Variants in THSD7B observed in about 807,000 individuals in gnomAD.
THSD7B encodes the protein thrombospondin type-1 domain-containing protein 7B.
Under a neutral mutation model 213.6 loss-of-function variants are expected in THSD7B, and 138 were observed. The observed-to-expected ratio is 0.65, with a 90% confidence interval of 0.56 to 0.74. The LOEUF is 0.74. THSD7B is among the 30% of genes least tolerant of loss of function. The pLI is 0.00. For missense variants in THSD7B, 1,931 were observed against 1,991.5 expected, an observed-to-expected ratio of 0.97 and a Z score of 0.58; for synonymous variants, 742 against 687.0, an observed-to-expected ratio of 1.08 and a Z score of -1.25.
At chr2:136,826,723 C>T (rs541284421) in intron 1 of THSD7B, among the ~76,000 whole-genome samples, 5 of 152,262 alleles carry the variant, frequency 3.3e-5, no homozygotes, top group African/African-American at 7.2e-5. Flanking sequence ...GAATTTCAGA[C>T]GCAGTAAGAA....
intron 2 of THSD7B, among the ~76,000 whole-genome samples, chr2:136,911,285 G>A (rs1470440243): frequency 6.6e-6 from 1 of 152,090 alleles, no homozygotes; most frequent in East Asian, 1.9e-4. Flanking sequence ...CCATATTAAT[G>A]TTGAAATTGC....
chr2:137,263,223 G>T (rs1426100289), intron 10 of THSD7B, among the ~76,000 whole-genome samples: 2 of 151,644 alleles, frequency 1.3e-5, no homozygotes, highest in Non-Finnish European at 2.9e-5. Context: ...TCTATACAAA[G>T]GGCTTTCATA....
chr2:137,064,187 A>C (rs566736317), intron 3 of THSD7B, among the ~76,000 whole-genome samples: 3 of 152,004 alleles, frequency 2.0e-5, no homozygotes, highest in Non-Finnish European at 4.4e-5. Flanking sequence ...TGTCATTTGT[A>C]TAAAACTCAT....
At chr2:137,210,543 C>T (rs1255628713) in intron 7 of THSD7B, among the ~76,000 whole-genome samples, 1 of 151,998 alleles carries the variant, frequency 6.6e-6, no homozygotes, top group African/African-American at 2.4e-5. Context: ...ACATTCAAAA[C>T]ATTCAAGGAC....
chr2:136,988,885 A>G (rs944969523), intron 2 of THSD7B, among the ~76,000 whole-genome samples: 2 of 152,254 alleles, frequency 1.3e-5, no homozygotes, highest in African/African-American at 4.8e-5. Flanking sequence ...GGATGCAGGA[A>G]TGAATCAGAA....
chr2:136,894,519 T>C (rs531334), intron 2 of THSD7B, among the ~76,000 whole-genome samples: 145,700 of 152,224 alleles, frequency 0.96, 69,815 homozygotes, highest in Admixed American at 0.98. Context: ...ATGAGAAGCA[T>C]GATATAAAAC....
chr2:137,606,951 G>T (rs1354668322), intron 17 of THSD7B, among the ~76,000 whole-genome samples: 1 of 152,106 alleles, frequency 6.6e-6, no homozygotes, highest in Non-Finnish European at 1.5e-5. Context: ...AATAAGGCTT[G>T]CTGCCTGCCT....
intron 12 of THSD7B, among the ~76,000 whole-genome samples, chr2:137,302,145 A>G (rs978646479): frequency 5.9e-5 from 9 of 152,084 alleles, no homozygotes; most frequent in Non-Finnish European, 1.2e-4. Flanking sequence ...TGGTACGATG[A>G]GAGATATAAT....
At chr2:137,605,594 T>G (rs539147392) in intron 17 of THSD7B, among the ~76,000 whole-genome samples, 4 of 149,048 alleles carry the variant, frequency 2.7e-5, no homozygotes, top group Non-Finnish European at 5.9e-5. Flanking sequence ...AGAGCCATAG[T>G]GTTAAAAGTA....
intron 12 of THSD7B, among the ~76,000 whole-genome samples, chr2:137,353,921 A>G (rs562517278): frequency 6.6e-6 from 1 of 152,204 alleles, no homozygotes; most frequent in African/African-American, 2.4e-5. Context: ...ATTTAAGTCA[A>G]TCTTTGTGCC....
intron 12 of THSD7B, among the ~76,000 whole-genome samples, chr2:137,356,492 T>C (rs1685131329): frequency 6.6e-6 from 1 of 152,216 alleles, no homozygotes; most frequent in Non-Finnish European, 1.5e-5. Context: ...TAATAGGTCC[T>C]AATGAGTCTC....
intron 2 of THSD7B, among the ~76,000 whole-genome samples, chr2:137,051,155 A>G (rs1687064820): frequency 6.6e-6 from 1 of 152,220 alleles, no homozygotes; most frequent in Admixed American, 6.5e-5. Flanking sequence ...AATACTGTGT[A>G]TAAAGTAAGT....
intron 14 of THSD7B, among the ~76,000 whole-genome samples, chr2:137,449,281 T>C (rs1687602526): frequency 6.6e-6 from 1 of 152,218 alleles, no homozygotes; most frequent in South Asian, 2.1e-4. Flanking sequence ...TTGTGACACA[T>C]TTTAATGTTT....
intron 10 of THSD7B, among the ~76,000 whole-genome samples, chr2:137,243,356 T>C (rs1246463824): frequency 2.6e-5 from 4 of 152,212 alleles, no homozygotes; most frequent in African/African-American, 9.7e-5. Flanking sequence ...CTTTGGATCT[T>C]ACCATTGCAT....
chr2:137,350,955 G>A (rs1225643955), intron 12 of THSD7B, among the ~76,000 whole-genome samples: 1 of 151,872 alleles, frequency 6.6e-6, no homozygotes, highest in Non-Finnish European at 1.5e-5. Context: ...ATCATCAGTT[G>A]AACTCTGGAT....
chr2:136,850,149 A>G (rs143318823), intron 1 of THSD7B, among the ~76,000 whole-genome samples: 156 of 152,152 alleles, frequency 1.0e-3, no homozygotes, highest in South Asian at 2.1e-3. Flanking sequence ...TCATTCTGCA[A>G]TTTGCTTCTT....
chr2:137,642,790 TG>T (rs1358438968), intron 21 of THSD7B, among the ~76,000 whole-genome samples, 157 bp downstream of exon 21: 1 of 152,194 alleles, frequency 6.6e-6, no homozygotes, highest in Non-Finnish European at 1.5e-5. Flanking sequence ...TACAACCAAA[TG>T]GCTTAACCTC....
At chr2:137,236,493 TA>T (rs1199205924) in intron 9 of THSD7B, among the ~76,000 whole-genome samples, 1 of 152,188 alleles carries the variant, frequency 6.6e-6, no homozygotes, top group Non-Finnish European at 1.5e-5. Flanking sequence ...GGTTTTGTTT[TA>T]CTATTCAATG....
intron 14 of THSD7B, among the ~76,000 whole-genome samples, chr2:137,421,123 G>C (rs918084910): frequency 6.6e-6 from 1 of 152,066 alleles, no homozygotes. Flanking sequence ...GGAAAAACAC[G>C]CTGACTGTGT....
Sources: allele counts gnomAD v4.1 joint callset (sites outside exome capture counted in the v4.1 genomes callset), GRCh38; gene constraint gnomAD v4.1.1; transcripts MANE v1.5; gene names NCBI Gene and HGNC (gene_info 2026-07-23, HGNC 2026-07-21).